Variants in OXR1 observed in about 807,000 individuals in gnomAD.
OXR1 encodes oxidation resistance 1, also known as oxidation resistance protein 1.
Under a neutral mutation model 104.6 loss-of-function variants are expected in OXR1, and 41 were observed. That is an observed-to-expected ratio of 0.39 (90% CI 0.31 to 0.51). OXR1 has a LOEUF of 0.51. OXR1 is among the 20% of genes least tolerant of loss of function. The pLI is 0.77. For synonymous variants in OXR1, 348 were observed against 348.4 expected (o/e 1.00, Z 0.01); for missense variants, 955 against 1,031.9 (o/e 0.93, Z 1.02).
At chr8:106,300,887 A>G (rs1276821630) in intron 1 of OXR1, among the ~76,000 whole-genome samples, 1 of 152,186 alleles carries the variant, frequency 6.6e-6, no homozygotes, top group Non-Finnish European at 1.5e-5. Flanking sequence ...CTTCCAGGGT[A>G]TATTTCTGCA....
chr8:106,407,339 G>A (rs1270267980), intron 2 of OXR1, among the ~76,000 whole-genome samples: 4 of 152,100 alleles, frequency 2.6e-5, no homozygotes, highest in Non-Finnish European at 4.4e-5. Context: ...TTTCCCCAGA[G>A]GGGCATTAGA....
At chr8:106,497,221 G>A (rs1290738027) in intron 2 of OXR1, among the ~76,000 whole-genome samples, 1 of 152,138 alleles carries the variant, frequency 6.6e-6, no homozygotes, top group Non-Finnish European at 1.5e-5. Context: ...ATAAATGCTT[G>A]GAAGATGATA....
intron 2 of OXR1, among the ~76,000 whole-genome samples, chr8:106,501,935 A>G (rs111846715): frequency 8.5e-5 from 13 of 152,182 alleles, no homozygotes; most frequent in African/African-American, 2.4e-4. Context: ...GATTAAGGCA[A>G]TATCTCAATT....
In OXR1 at chr8:106,304,588, G is replaced by A. The variant is rs575639586; in HGVS notation, c.-139+34221G>A. Among the ~76,000 whole-genome samples the A allele has an allele frequency of 3.3e-3, 503 of 151,648 alleles. 3 individuals carry two copies. Among genetic ancestry groups the A allele is most frequent in the Middle Eastern group, 0.024 (7 of 294 alleles). On this transcript the variant is annotated intron_variant, in intron 1 of 16. Transcript: ENST00000517566. Reference sequence around the variant, plus strand: ...TATTTGTAACAATACATTTTATCTAGCTCAACGTGTCAAAAATATTTTCTT... The same window carrying A: ...TATTTGTAACAATACATTTTATCTAACTCAACGTGTCAAAAATATTTTCTT...
chr8:106,276,395 T>A (rs1812038210), intron 1 of OXR1, among the ~76,000 whole-genome samples: 1 of 152,210 alleles, frequency 6.6e-6, no homozygotes, highest in Admixed American at 6.5e-5. Context: ...GCCAGAATAC[T>A]AACCACCCAT....
At chr8:106,613,452 G>T (rs1039276713) in intron 3 of OXR1, among the ~76,000 whole-genome samples, 1 of 152,220 alleles carries the variant, frequency 6.6e-6, no homozygotes, top group East Asian at 1.9e-4. Flanking sequence ...AGCCTGGAGT[G>T]CAATGGCACG....
At chr8:106,733,094 G>A in intron 11 of OXR1, among the ~76,000 whole-genome samples, 1 of 152,034 alleles carries the variant, frequency 6.6e-6, no homozygotes, top group Non-Finnish European at 1.5e-5. Context: ...GTTTTGCTAT[G>A]TTCCCTGGGC....
At chr8:106,356,330 T>C (rs1815969510) in intron 1 of OXR1, among the ~76,000 whole-genome samples, 1 of 152,064 alleles carries the variant, frequency 6.6e-6, no homozygotes, top group Non-Finnish European at 1.5e-5. Flanking sequence ...CTGAAGTAAA[T>C]ACCCTAAGGA....
At chr8:106,353,640 A>G (rs914756711) in intron 1 of OXR1, among the ~76,000 whole-genome samples, 1 of 151,974 alleles carries the variant, frequency 6.6e-6, no homozygotes, top group African/African-American at 2.4e-5. Flanking sequence ...TCTATTTATG[A>G]TATACAACAT....
At chr8:106,378,695 G>A (rs1817007760) in intron 2 of OXR1, among the ~76,000 whole-genome samples, 1 of 152,260 alleles carries the variant, frequency 6.6e-6, no homozygotes, top group South Asian at 2.1e-4. Flanking sequence ...TTTTAGTAGA[G>A]ATGAGGTTTC....
intron 3 of OXR1, among the ~76,000 whole-genome samples, chr8:106,650,863 A>T (rs529414744): frequency 6.6e-6 from 1 of 152,344 alleles, no homozygotes; most frequent in African/African-American, 2.4e-5. Context: ...ATTCTTTCAT[A>T]ATCAGTTATA....
intron 1 of OXR1, among the ~76,000 whole-genome samples, chr8:106,338,517 C>G (rs1815056720): frequency 6.7e-6 from 1 of 149,032 alleles, no homozygotes. Context: ...GAGCCAAGAT[C>G]ACACCACTGC....
At position 106,706,603 on chromosome 8, in the gene OXR1, A is replaced by G; in HGVS notation, c.1082A>G (p.Lys361Arg). Residue 361 changes from lysine (K) to arginine (R), a missense_variant, in exon 9 of 17, where the codon AAA becomes AGA. Physicochemically the swap from Lys to Arg is conservative, Grantham distance 26. Transcript: ENST00000517566. Reference protein sequence around the residue: ...LVSSDELRQDKSSGASSESVQ... With the variant: ...LVSSDELRQDRSSGASSESVQ... ...TCTTCAGATGAACTGCGACAAGATA[A>G]ATCTTCTGGTGCGTCATCAGAATCT... 6.2e-7 allele frequency: 1 copy of G among 1,612,898 alleles called. No individual in the cohort carries two copies. The highest frequency in any genetic ancestry group is 8.5e-7 in the Non-Finnish European group (1 of 1,179,710).
In OXR1 at chr8:106,312,334, T is replaced by C. The variant is rs371854861; in HGVS notation, c.-139+41967T>C. Among the ~76,000 whole-genome samples, 34 of 152,314 alleles carry C rather than the reference T, an allele frequency of 2.2e-4. No homozygotes were observed. In the East Asian group the frequency reaches 5.0e-3, roughly 22 times the overall value. On this transcript the variant is annotated intron_variant, in intron 1 of 16. Transcript: ENST00000517566. ...ATGGGGGATCATTTGTAGTCAAAAATAGAGAGCAGTCTTAGAAGAGTGTCC... is the reference window on the plus strand; with the variant it reads ...ATGGGGGATCATTTGTAGTCAAAAACAGAGAGCAGTCTTAGAAGAGTGTCC...
intron 2 of OXR1, among the ~76,000 whole-genome samples, chr8:106,385,699 G>C (rs1029118743): frequency 2.0e-5 from 3 of 152,098 alleles, no homozygotes; most frequent in African/African-American, 7.2e-5. Flanking sequence ...CCAGGTTCCA[G>C]GTTATGTGTA....
At chr8:106,393,680 A>G (rs1488902568) in intron 2 of OXR1, among the ~76,000 whole-genome samples, 4 of 152,022 alleles carry the variant, frequency 2.6e-5, no homozygotes, top group Non-Finnish European at 5.9e-5. Flanking sequence ...GAAAGGTGCT[A>G]TATTTCAGAT....
intron 2 of OXR1, among the ~76,000 whole-genome samples, chr8:106,487,254 C>G (rs1311617738): frequency 6.6e-6 from 1 of 151,408 alleles, no homozygotes; most frequent in South Asian, 2.1e-4. Context: ...GAACTCCTGA[C>G]CTCAGGTGAT....
At chr8:106,474,337 T>A (rs760742757) in intron 2 of OXR1, among the ~76,000 whole-genome samples, 48 of 151,804 alleles carry the variant, frequency 3.2e-4, no homozygotes, top group Middle Eastern at 3.4e-3. Flanking sequence ...CATTCAAGTA[T>A]GAGAAGTATT....
At chr8:106,316,064 T>A (rs1336911509) in intron 1 of OXR1, among the ~76,000 whole-genome samples, 4 of 152,186 alleles carry the variant, frequency 2.6e-5, no homozygotes, top group African/African-American at 9.6e-5. Context: ...TTTTGTCAAA[T>A]AAAAAACTGT....
Sources: gnomAD v4.1 joint callset for allele counts (sites outside exome capture counted in the v4.1 genomes callset) on GRCh38, gnomAD v4.1.1 for gene constraint, MANE v1.5 for transcripts, NCBI Gene and HGNC (gene_info 2026-07-23, HGNC 2026-07-21) for gene names.